The following MUC4 variants were observed in gnomAD, a reference collection of about 807,000 sequenced individuals.
MUC4 encodes mucin-4.
Under a neutral mutation model 257.9 loss-of-function variants are expected in MUC4, and 202 were observed. The ratio of observed to expected loss-of-function variants is 0.78; its 90% CI spans 0.70 to 0.88. The LOEUF (loss-of-function observed/expected upper bound fraction) is 0.88. Ranked by LOEUF, MUC4 falls within the 40% of genes least tolerant of loss-of-function variation. The pLI is 0.00. For synonymous variants in MUC4, 2,351 were observed against 2,757.1 expected, an observed-to-expected ratio of 0.85 and a Z score of 4.62; for missense variants, 5,976 against 6,513.7, an observed-to-expected ratio of 0.92 and a Z score of 2.84.
chr3:195,754,060 C>T, intron 19 of MUC4, 153 bp downstream of exon 19: 1 of 1,086,062 alleles, frequency 9.2e-7, no homozygotes, highest in Non-Finnish European at 1.3e-6. Context: ...AGATGATTTC[C>T]CACACCTGCC....
At chr3:195,761,382 AGG>A in intron 15 of MUC4, 100 bp downstream of exon 15, 2 of 1,024,322 alleles carry the variant, frequency 2.0e-6, no homozygotes, top group Non-Finnish European at 3.0e-6. Context: ...CTCAGACCTT[AGG>A]GAGGATGGAG....
At chr3:195,771,888 T>C (rs1679230301) in intron 4 of MUC4, 72 bp from the exon 5 acceptor site, 3 of 1,534,102 alleles carry the variant, frequency 2.0e-6, no homozygotes, top group Non-Finnish European at 2.7e-6. Flanking sequence ...TTGGTCCAGC[T>C]CCTCAAAAGC....
At chr3:195,752,337 C>A in intron 21 of MUC4, 36 bp downstream of exon 21, 1 of 1,573,118 alleles carries the variant, frequency 6.4e-7, no homozygotes, top group Non-Finnish European at 8.7e-7. Context: ...CCGCCAAGCG[C>A]CCCCTCCCAC....
Position 195,750,964 on chromosome 3 carries a change from G to A in MUC4, c.15796C>T (p.Arg5266Trp), listed in dbSNP as rs368035276. ...VVEAFLYHVP[R>W]RSEEPRNDVV... ...TCGTTCCTGGGCTCCTCACTCCTCC[G>A]TGGAACGTGGTATAAGAACGCCTCC... Residue 5266 changes from arginine to tryptophan, a missense_variant, in exon 23 of 25, where the codon CGG becomes TGG. By Grantham distance (101) the Arg-to-Trp change is moderately radical. Coordinates refer to ENST00000463781, the MANE Select transcript of MUC4 (RefSeq NM_018406.7). 27 of 1,613,940 alleles carry A rather than the reference G, an allele frequency of 1.7e-5. No individual in the cohort carries two copies. The highest frequency in any genetic ancestry group is 5.3e-5 in the African/African-American group (4 of 74,898).
At chr3:195,772,235 C>T (rs548006571) in intron 4 of MUC4, among the ~76,000 whole-genome samples, 2 of 149,340 alleles carry the variant, frequency 1.3e-5, no homozygotes, top group Non-Finnish European at 1.5e-5. Flanking sequence ...CTCCCTCCGT[C>T]GCTCAGGGGT....
intron 18 of MUC4, 28 bp from the exon 19 acceptor site, chr3:195,754,400 G>T (rs964117622): frequency 1.3e-6 from 2 of 1,585,976 alleles, no homozygotes; most frequent in Non-Finnish European, 8.6e-7. Context: ...ATCACGGGCG[G>T]CCAGGAGACC....
Position 195,791,143 on chromosome 3 carries a change from G to A in MUC4, c.437C>T (p.Ser146Phe). 6.2e-7 allele frequency: 1 copy of A among 1,613,928 alleles called. No individual in the cohort carries two copies. The highest frequency in any genetic ancestry group is 2.2e-5 in the East Asian group (1 of 44,886). Residue 146 changes from serine to phenylalanine, a missense_variant, in exon 2 of 25, where the codon TCC (serine) becomes TTC (phenylalanine). By Grantham distance (155) the Ser-to-Phe change is radical. Coordinates refer to ENST00000463781, the MANE Select transcript of MUC4 (RefSeq NM_018406.7). ...KTITMTTSTD[S>F]TLGNTEETST... ...TGTCTCTTCTGTGTTTCCAAGAGTG[G>A]AGTCTGTGGAGGTTGTCATTGTTAT... is the stretch of plus-strand genomic sequence containing the variant.
At position 195,788,284 on chromosome 3, in the gene MUC4, G is replaced by A. The variant is rs1369201456; in HGVS notation, c.3296C>T (p.Thr1099Ile). Residue 1099 changes from threonine (T) to isoleucine (I), a missense_variant, in exon 2 of 25, where the codon ACA becomes ATA. Thr to Ile is a moderately conservative substitution (Grantham distance 89). This residue lies in a region of MUC4 where 68 missense variants were observed against 90.4 expected (regional missense o/e 0.75). Transcript: ENST00000463781. Reference sequence around the variant, plus strand: ...GACAGGAAGAGAGGTGGCGTGACCTGTGGATGCTGAGGAAGTGTCAGTGAC... The same window carrying A: ...GACAGGAAGAGAGGTGGCGTGACCTATGGATGCTGAGGAAGTGTCAGTGAC... ...LPVTDTSSASTGHATSLPVTD... is the reference protein window; with the variant it reads ...LPVTDTSSASIGHATSLPVTD... 2 of 1,547,620 alleles carry A rather than the reference G, an allele frequency of 1.3e-6. No individual in the cohort carries two copies. Among genetic ancestry groups the A allele is most frequent in the East Asian group, 4.9e-5 (2 of 40,824 alleles).
chr3:195,764,063 A>G lies in MUC4; in HGVS notation c.14026T>C (p.Tyr4676His), dbSNP rs1719862455. The change falls in exon 11 of 25, where the codon TAC becomes CAC. Residue 4676 changes from tyrosine (Y) to histidine (H), a missense_variant. Around this residue, in one of 44 missense-constraint regions of MUC4, gnomAD observed 996 missense variants for 1,137.3 expected, o/e 0.88. Transcript: ENST00000463781. ...QRRPHVGCAT[Y>H]RPPQPAWMFG... ...CGCTCACCGGGCTGTGGGGGCCTGT[A>G]TGTAGCACAGCCCACGTGGGGCCGC... 6.2e-7 allele frequency: 1 copy of G among 1,610,862 alleles called. No homozygotes were observed. Among genetic ancestry groups the G allele is most frequent in the Non-Finnish European group, 8.5e-7 (1 of 1,179,262 alleles).
chr3:195,779,744 A>T lies in MUC4; in HGVS notation c.11836T>A (p.Ser3946Thr). The T allele has an allele frequency of 1.4e-6, 2 of 1,416,398 alleles. 1 individual carries two copies. The highest frequency in any genetic ancestry group is 4.6e-5 in the Admixed American group (2 of 43,838). 87.7% of individuals were successfully genotyped at this position (1,416,398 alleles called of 1,614,324 possible). Residue 3946 changes from serine (S) to threonine (T), a missense_variant, in exon 2 of 25, where the codon TCC becomes ACC. By Grantham distance (58) the Ser-to-Thr change is moderately conservative (BLOSUM62 1). This residue lies in a region of MUC4 where 293 missense variants were observed against 294.5 expected (regional missense o/e 1.00). Coordinates refer to ENST00000463781, the MANE Select transcript of MUC4 (RefSeq NM_018406.7). ...PLPVTSTSSA[S>T]TGDTTPLPVT... ...GGAAGAGGGGTGGTGTCACCTGTGG[A>T]TGCTGAGGAAGTGCTGGTGACAGGA...
intron 2 of MUC4, 96 bp from the exon 3 acceptor site, chr3:195,778,551 T>A (rs914344081): frequency 6.7e-6 from 10 of 1,499,860 alleles, no homozygotes; most frequent in Admixed American, 2.1e-5. Context: ...AAGAGGGAGC[T>A]GGAAACTCCT....
In MUC4 at chr3:195,789,705, G is replaced by C; in HGVS notation, c.1875C>G (p.Ser625Arg). The C allele has an allele frequency of 6.2e-7, 1 of 1,613,962 alleles. No individual in the cohort carries two copies. The highest frequency in any genetic ancestry group is 1.1e-5 in the South Asian group (1 of 91,084). Residue 625 changes from serine (S) to arginine (R), a missense_variant, in exon 2 of 25, where the codon AGC becomes AGG. Coordinates refer to ENST00000463781, the MANE Select transcript of MUC4 (RefSeq NM_018406.7). ...CAGCTGGTGATTCCTGAGGAGAGGT[G>C]CTTGTGGAATGTATTGTTGAATGAT... ...STNHSTIHST[S>R]TSPQESPAVS... is the part of the protein sequence containing the mutation.
At chr3:195,765,538 T>C in intron 8 of MUC4, 89 bp from the exon 9 acceptor site, 1 of 1,298,844 alleles carries the variant, frequency 7.7e-7, no homozygotes, top group Non-Finnish European at 1.1e-6. Flanking sequence ...AACTCACAAA[T>C]GCACCCCCTC....
rs748188920 is a variant in MUC4 at position 195,785,099 on chromosome 3, G to C, written c.6481C>G (p.Leu2161Val). 2.7e-6 allele frequency: 4 copies of C among 1,467,534 alleles called. No homozygotes were observed. The highest frequency in any genetic ancestry group is 1.8e-6 in the Non-Finnish European group (2 of 1,097,808). The allele number at this position is 1,467,534 out of a possible 1,614,324, so 90.9% of individuals were successfully genotyped here. A position where few individuals can be genotyped will look rare whatever the true frequency, so the allele number is the denominator to read the frequency against. The change falls in exon 2 of 25, where the codon CTT becomes GTT. Residue 2161 changes from leucine to valine, a missense_variant. By Grantham distance (32) the Leu-to-Val change is conservative. Coordinates refer to ENST00000463781, the MANE Select transcript of MUC4 (RefSeq NM_018406.7). ...GCTGAGGAAGTGTCGGTGACAGGAAGAGAGGTGGCGTGACCTGTGGATACT... is the reference window on the plus strand; with the variant it reads ...GCTGAGGAAGTGTCGGTGACAGGAACAGAGGTGGCGTGACCTGTGGATACT... ...SSVSTGHATS[L>V]PVTDTSSAST...
intron 1 of MUC4, among the ~76,000 whole-genome samples, chr3:195,794,391 G>GA (rs1560409545): frequency 2.1e-5 from 3 of 146,308 alleles, no homozygotes; most frequent in African/African-American, 8.1e-5. Context: ...GAGAGAGAGA[G>GA]AAGAAAGAGA....
intron 5 of MUC4, among the ~76,000 whole-genome samples, chr3:195,771,175 G>C (rs1722785461): frequency 7.5e-6 from 1 of 132,610 alleles, no homozygotes; most frequent in Admixed American, 7.3e-5. Context: ...TCAGTCTCGT[G>C]GTTGGGTTGG....
chr3:195,775,338 A>G (rs72499646), intron 3 of MUC4, among the ~76,000 whole-genome samples: 1 of 150,268 alleles, frequency 6.7e-6, no homozygotes, highest in Non-Finnish European at 1.5e-5. Context: ...ATCCACCCCC[A>G]TGCAGCACCG....
At chr3:195,763,070 G>T in intron 12 of MUC4, 125 bp from the exon 13 acceptor site, 1 of 788,432 alleles carries the variant, frequency 1.3e-6, no homozygotes, top group Non-Finnish European at 2.0e-6. Flanking sequence ...GCTGGAGGCC[G>T]CGGCCTGAGG....
At chr3:195,778,769 G>C (rs1434191909) in intron 2 of MUC4, 21 bp downstream of exon 2, 3 of 1,593,364 alleles carry the variant, frequency 1.9e-6, no homozygotes, top group African/African-American at 2.7e-5. Flanking sequence ...GAGACATAAA[G>C]GCGAGGCAGT....
Sources: gnomAD v4.1 joint callset for allele counts (sites outside exome capture counted in the v4.1 genomes callset) on GRCh38, gnomAD v4.1.1 for gene constraint, gnomAD v4.1.1 regional missense constraint, MANE v1.5 for transcripts, NCBI Gene and HGNC (gene_info 2026-07-23, HGNC 2026-07-21) for gene names.